The following NBEA variants were observed in gnomAD, a reference collection of about 807,000 sequenced individuals.
NBEA encodes neurobeachin, also known as lysosomal-trafficking regulator 2.
A neutral mutation model predicts 343.4 loss-of-function variants in NBEA; 44 were observed. The observed-to-expected ratio is 0.13, with a 90% CI of 0.10 to 0.16. NBEA has a LOEUF of 0.16. Ranked by LOEUF, NBEA falls within the 10% of genes least tolerant of loss-of-function variation. The pLI, the probability that NBEA is intolerant of heterozygous loss-of-function variation, is 1.00. For synonymous variants in NBEA, 1,175 were observed against 1,238.7 expected (o/e 0.95, Z 1.08); for missense variants, 2,555 against 3,631.3 (o/e 0.70, Z 7.62).
At chr13:35,090,118 G>T (rs535619858) in intron 10 of NBEA, among the ~76,000 whole-genome samples, 2 of 151,068 alleles carry the variant, frequency 1.3e-5, no homozygotes, top group Admixed American at 6.6e-5. Flanking sequence ...GTCAGTGTAG[G>T]TTATATGATA....
At chr13:34,964,623 A>G (rs188249461) in intron 1 of NBEA, among the ~76,000 whole-genome samples, 6 of 152,110 alleles carry the variant, frequency 3.9e-5, no homozygotes, top group Admixed American at 3.3e-4. Context: ...TTGGGGCCCA[A>G]AAGACCAAAA....
intron 41 of NBEA, among the ~76,000 whole-genome samples, chr13:35,539,916 A>AG (rs1491229643): frequency 1.6e-5 from 1 of 62,474 alleles, no homozygotes; most frequent in Non-Finnish European, 3.0e-5. Context: ...ACTCCGTCTC[A>AG]AAAAAAAAAA....
At chr13:35,137,141 G>A (rs2067778562) in intron 17 of NBEA, among the ~76,000 whole-genome samples, 1 of 152,068 alleles carries the variant, frequency 6.6e-6, no homozygotes, top group South Asian at 2.1e-4. Context: ...AAGCCTCATA[G>A]AGATTTTTAA....
intron 38 of NBEA, among the ~76,000 whole-genome samples, chr13:35,395,969 CTTA>C (rs1594472220): frequency 6.6e-6 from 1 of 152,022 alleles, no homozygotes; most frequent in African/African-American, 2.4e-5. Flanking sequence ...GCATCTTATG[CTTA>C]TTATTTATAT....
At chr13:35,165,832 G>A (rs748808653) in intron 24 of NBEA, among the ~76,000 whole-genome samples, 1 of 151,492 alleles carries the variant, frequency 6.6e-6, no homozygotes, top group Non-Finnish European at 1.5e-5. Context: ...TTATAGGTGT[G>A]CACCACCACA....
At chr13:35,378,518 C>T (rs1019688941) in intron 38 of NBEA, among the ~76,000 whole-genome samples, 5 of 151,868 alleles carry the variant, frequency 3.3e-5, no homozygotes, top group African/African-American at 1.2e-4. Context: ...AAGTTAGAGC[C>T]TTTTAGGTCT....
intron 34 of NBEA, among the ~76,000 whole-genome samples, chr13:35,263,978 A>G (rs1349471946): frequency 6.6e-6 from 1 of 151,366 alleles, no homozygotes; most frequent in Non-Finnish European, 1.5e-5. Context: ...TTGACAACAC[A>G]AAGAGTTGTT....
intron 1 of NBEA, among the ~76,000 whole-genome samples, chr13:34,989,524 C>A (rs1262235537): frequency 1.3e-5 from 2 of 150,744 alleles, no homozygotes; most frequent in Non-Finnish European, 3.0e-5. Context: ...TATGGGAACT[C>A]ACTGTCATGA....
rs774652819 is a variant in NBEA, at chr13:35,142,342, A to T, written c.2410A>T (p.Thr804Ser). The change falls in exon 18 of 59, where the codon ACT becomes TCT. Residue 804 changes from threonine (T) to serine (S), a missense_variant. Around this residue, in one of 21 missense-constraint regions of NBEA, gnomAD observed 360 missense variants for 519.1 expected, o/e 0.69. Transcript: ENST00000379939. ...LGERLMLHTN[T>S]VTVTTYNTLY... ...AGAAAGGCTGATGTTGCATACAAAC[A>T]CTGTGACTGTCACCACATACAACAC... 1.2e-6 allele frequency: 2 copies of T among 1,613,206 alleles called. No individual in the cohort carries two copies. Among genetic ancestry groups the T allele is most frequent in the South Asian group, 2.2e-5 (2 of 91,030 alleles).
At chr13:35,502,811 G>A (rs992359239) in intron 41 of NBEA, among the ~76,000 whole-genome samples, 3 of 151,994 alleles carry the variant, frequency 2.0e-5, no homozygotes, top group Non-Finnish European at 4.4e-5. Flanking sequence ...AAATAGATTT[G>A]GGAAAAAGAG....
intron 10 of NBEA, among the ~76,000 whole-genome samples, chr13:35,080,166 C>A (rs975149117): frequency 6.6e-6 from 1 of 152,006 alleles, no homozygotes; most frequent in Admixed American, 6.6e-5. Context: ...GGTCATGTAC[C>A]ATATAAAATT....
intron 7 of NBEA, among the ~76,000 whole-genome samples, chr13:35,057,143 A>G (rs923370319): frequency 2.0e-5 from 3 of 152,148 alleles, no homozygotes; most frequent in Non-Finnish European, 2.9e-5. Context: ...TCCAAGCTCA[A>G]TAATATACAA....
At chr13:34,980,998 G>A (rs890263134) in intron 1 of NBEA, among the ~76,000 whole-genome samples, 2 of 152,092 alleles carry the variant, frequency 1.3e-5, no homozygotes, top group Non-Finnish European at 2.9e-5. Context: ...TGAATTTACA[G>A]TTATTTAACT....
At chr13:35,238,377 G>A (rs1451756067) in intron 34 of NBEA, among the ~76,000 whole-genome samples, 2 of 152,188 alleles carry the variant, frequency 1.3e-5, no homozygotes, top group Non-Finnish European at 2.9e-5. Context: ...GATTCGCAAA[G>A]CAACTTTATA....
intron 7 of NBEA, among the ~76,000 whole-genome samples, chr13:35,057,153 AC>A (rs1422366790): frequency 6.6e-6 from 1 of 152,086 alleles, no homozygotes; most frequent in Non-Finnish European, 1.5e-5. Flanking sequence ...ATAATATACA[AC>A]CCTTCAAGCA....
intron 37 of NBEA, among the ~76,000 whole-genome samples, chr13:35,351,227 C>G (rs570263281): frequency 2.0e-5 from 3 of 151,852 alleles, no homozygotes; most frequent in Non-Finnish European, 4.4e-5. Flanking sequence ...TGAACTACTT[C>G]TATTTATTTT....
chr13:35,459,017 C>CACACA (rs60310074), intron 40 of NBEA, among the ~76,000 whole-genome samples: 7 of 74,956 alleles, frequency 9.3e-5, no homozygotes, highest in African/African-American at 4.2e-4. Context: ...CCCCCCCCCC[C>CACACA]CACACACACA....
intron 1 of NBEA, among the ~76,000 whole-genome samples, chr13:35,021,718 T>G (rs1273998256): frequency 6.6e-6 from 1 of 152,146 alleles, no homozygotes. Flanking sequence ...CTACTTCAAG[T>G]TTAGGGTTAA....
intron 27 of NBEA, among the ~76,000 whole-genome samples, chr13:35,175,683 T>G (rs2152725853): frequency 1.3e-5 from 2 of 152,278 alleles, no homozygotes; most frequent in South Asian, 4.1e-4. Flanking sequence ...AGGGGAAGAT[T>G]TGACATTTCA....
Sources: allele counts gnomAD v4.1 joint callset (sites outside exome capture counted in the v4.1 genomes callset), GRCh38; gene constraint gnomAD v4.1.1; regional missense constraint gnomAD v4.1.1; transcripts MANE v1.5; gene names NCBI Gene and HGNC (gene_info 2026-07-23, HGNC 2026-07-21).